Variants in OSTM1 observed in about 807,000 individuals in gnomAD.
OSTM1 encodes osteopetrosis-associated transmembrane protein 1.
OSTM1 carries 26 observed loss-of-function variants against 35.4 expected under a neutral mutation model. The ratio of observed to expected loss-of-function variants is 0.73; its 90% CI spans 0.54 to 1.02. OSTM1 has a LOEUF of 1.02. Among genes scored for constraint, OSTM1 ranks in the 50% least tolerant of loss-of-function variants. OSTM1 has a pLI of 0.00. For missense variants in OSTM1, 366 were observed against 409.6 expected (o/e 0.89, Z 0.92); for synonymous variants, 181 against 165.0 (o/e 1.10, Z -0.75).
intron 1 of OSTM1, among the ~76,000 whole-genome samples, chr6:108,068,460 C>G (rs911471088): frequency 8.5e-5 from 13 of 152,144 alleles, no homozygotes; most frequent in African/African-American, 3.1e-4. Context: ...ACAGACTCCT[C>G]CCTCCAGCTC....
intron 1 of OSTM1, among the ~76,000 whole-genome samples, chr6:108,070,282 A>G (rs931386807): frequency 2.6e-5 from 4 of 151,836 alleles, no homozygotes; most frequent in African/African-American, 9.7e-5. Flanking sequence ...CAAGCGATCC[A>G]CCTGCCTCGG....
At chr6:108,072,955 C>G (rs536480598) in intron 1 of OSTM1, among the ~76,000 whole-genome samples, 2 of 152,034 alleles carry the variant, frequency 1.3e-5, no homozygotes, top group African/African-American at 4.8e-5. Context: ...ACTACAGGCA[C>G]GTGCCACCAC....
chr6:108,067,639 C>T (rs1772402063), intron 1 of OSTM1, among the ~76,000 whole-genome samples: 1 of 151,818 alleles, frequency 6.6e-6, no homozygotes, highest in African/African-American at 2.4e-5. Context: ...GAGACCAGTC[C>T]AGCCAACCTG....
chr6:108,050,117 A>C (rs1772050300), intron 4 of OSTM1, among the ~76,000 whole-genome samples: 1 of 152,184 alleles, frequency 6.6e-6, no homozygotes, highest in Non-Finnish European at 1.5e-5. Flanking sequence ...CCATTCAATT[A>C]ATACATGTTT....
intron 1 of OSTM1, among the ~76,000 whole-genome samples, chr6:108,069,045 G>A (rs1057122859): frequency 1.3e-5 from 2 of 152,056 alleles, no homozygotes; most frequent in Non-Finnish European, 2.9e-5. Context: ...TCAAATTGTA[G>A]GTGTCTGCTT....
chr6:108,044,887 A>G, intron 5 of OSTM1, 47 bp from the exon 6 acceptor site: 1 of 956,164 alleles, frequency 1.0e-6, no homozygotes, highest in Non-Finnish European at 1.6e-6. Context: ...TTAATTATCA[A>G]ACATGATTAT....
chr6:108,047,746 A>G (rs1042159489), intron 5 of OSTM1, among the ~76,000 whole-genome samples: 18 of 152,214 alleles, frequency 1.2e-4, no homozygotes, highest in Non-Finnish European at 2.6e-4. Context: ...GAAAAATAAA[A>G]GAAAGAAAAT....
chr6:108,046,758 C>A lies in OSTM1; in HGVS notation c.950-1918G>T, dbSNP rs530825426. ...CTTAAACTAAAAACATTGGCCTAAA[C>A]TAAAATCTACTTCTTAAGCCTTCAG... On this transcript the variant is annotated intron_variant, in intron 5 of 5. Transcript: ENST00000193322. 3.3e-5 allele frequency among the ~76,000 whole-genome samples: 5 copies of A among 152,298 alleles called. 1 individual carries two copies. The South Asian group carries it at 1.0e-3, about 32-fold the overall frequency.
At chr6:108,046,498 C>T (rs576757333) in intron 5 of OSTM1, among the ~76,000 whole-genome samples, 52 of 140,752 alleles carry the variant, frequency 3.7e-4, no homozygotes, top group Non-Finnish European at 6.8e-4. Flanking sequence ...TCTGCCACCA[C>T]GCCCGGCTAA....
chr6:108,046,413 C>T (rs990762310), intron 5 of OSTM1, among the ~76,000 whole-genome samples: 3 of 150,060 alleles, frequency 2.0e-5, no homozygotes, highest in African/African-American at 7.4e-5. Flanking sequence ...GCGATCTCAG[C>T]TCACTGCAAC....
At chr6:108,059,173 T>C (rs1170444993) in intron 2 of OSTM1, among the ~76,000 whole-genome samples, 2 of 152,216 alleles carry the variant, frequency 1.3e-5, no homozygotes, top group East Asian at 1.9e-4. Flanking sequence ...AACTGCTGTA[T>C]GCACAAGATA....
intron 4 of OSTM1, 36 bp downstream of exon 4, chr6:108,050,995 C>T (rs368287425): frequency 8.7e-5 from 134 of 1,531,806 alleles, no homozygotes; most frequent in Non-Finnish European, 1.1e-4. Context: ...CAATAACACT[C>T]TAAAATATGT....
chr6:108,045,742 A>G (rs1376671477), intron 5 of OSTM1, among the ~76,000 whole-genome samples: 2 of 152,176 alleles, frequency 1.3e-5, no homozygotes, highest in Non-Finnish European at 2.9e-5. Context: ...TGGCTTGGTA[A>G]TATGTTTTGT....
chr6:108,051,707 T>C (rs1428038383), intron 3 of OSTM1, among the ~76,000 whole-genome samples: 1 of 152,182 alleles, frequency 6.6e-6, no homozygotes, highest in African/African-American at 2.4e-5. Flanking sequence ...GCACCAAAAC[T>C]GCATCCCCAC....
At chr6:108,059,519 G>C (rs1284836461) in intron 2 of OSTM1, among the ~76,000 whole-genome samples, 1 of 152,148 alleles carries the variant, frequency 6.6e-6, no homozygotes, top group African/African-American at 2.4e-5. Flanking sequence ...TAACTGCAGA[G>C]ACTAGATGCC....
chr6:108,052,245 T>C (rs1001098541), intron 3 of OSTM1, among the ~76,000 whole-genome samples: 10 of 152,020 alleles, frequency 6.6e-5, no homozygotes, highest in African/African-American at 2.4e-4. Context: ...CCATCCTGGC[T>C]AACACGGTGA....
At chr6:108,057,554 T>C (rs777952233) in intron 2 of OSTM1, among the ~76,000 whole-genome samples, 19 of 152,190 alleles carry the variant, frequency 1.2e-4, no homozygotes, top group Non-Finnish European at 1.2e-4. Flanking sequence ...ATTTCTTCTA[T>C]GCAAGATACC....
At chr6:108,073,699 C>T (rs1421494067) in intron 1 of OSTM1, 1 of 158,756 alleles carries the variant, frequency 6.3e-6, no homozygotes, top group African/African-American at 2.4e-5. Context: ...AGACTGTTCA[C>T]ATCACTAAGA....
At chr6:108,069,636 T>C (rs1427326705) in intron 1 of OSTM1, among the ~76,000 whole-genome samples, 1 of 152,126 alleles carries the variant, frequency 6.6e-6, no homozygotes, top group African/African-American at 2.4e-5. Context: ...TAATGCTGAA[T>C]CACAATGAAA....
Sources: gnomAD v4.1 joint callset for allele counts (sites outside exome capture counted in the v4.1 genomes callset) on GRCh38, gnomAD v4.1.1 for gene constraint, MANE v1.5 for transcripts, NCBI Gene and HGNC (gene_info 2026-07-23, HGNC 2026-07-21) for gene names.